Variants in PDE11A observed in about 807,000 individuals in gnomAD.
The protein encoded by PDE11A is phosphodiesterase 11A, also known as dual 3',5'-cyclic-AMP and -GMP phosphodiesterase 11A.
Under a neutral mutation model 100.5 loss-of-function variants are expected in PDE11A, and 100 were observed. The observed-to-expected ratio is 1.00, with a 90% CI of 0.85 to 1.18. PDE11A has a LOEUF of 1.18. Ranked by LOEUF, PDE11A falls within the 50% of genes most tolerant of loss-of-function variation. The probability of loss-of-function intolerance (pLI) is 0.00; values close to 1 mark genes in which losing one functional copy is unlikely to be tolerated. For synonymous variants in PDE11A, 381 were observed against 420.8 expected (o/e 0.91, Z 1.16); for missense variants, 1,141 against 1,152.6 (o/e 0.99, Z 0.15).
chr2:177,945,709 C>G (rs1327660692), intron 2 of PDE11A, among the ~76,000 whole-genome samples: 1 of 152,044 alleles, frequency 6.6e-6, no homozygotes, highest in African/African-American at 2.4e-5. Context: ...CCGGCAGCCA[C>G]CCCGTCCGGG....
chr2:178,002,617 G>A (rs1183338923), intron 2 of PDE11A, among the ~76,000 whole-genome samples: 1 of 152,088 alleles, frequency 6.6e-6, no homozygotes, highest in African/African-American at 2.4e-5. Flanking sequence ...TCGTGTGGTC[G>A]AATTGGCTTA....
At chr2:178,085,221 C>T (rs544279658) in intron 2 of PDE11A, among the ~76,000 whole-genome samples, 7 of 152,198 alleles carry the variant, frequency 4.6e-5, no homozygotes, top group African/African-American at 1.7e-4. Context: ...ATATATGGCC[C>T]TATATTCAAT....
Position 177,754,088 on chromosome 2 carries a change from C to T in PDE11A, c.1788+15235G>A, listed in dbSNP as rs1029094888. On this transcript the variant is annotated intron_variant, in intron 10 of 19. Transcript: ENST00000286063. ...ACTGCGAATATTTTGAAAACAAGTTCCTTAAAGGCAGCAGCTTCAAAGCCT... is the reference window on the plus strand; with the variant it reads ...ACTGCGAATATTTTGAAAACAAGTTTCTTAAAGGCAGCAGCTTCAAAGCCT... 2.6e-5 allele frequency among the ~76,000 whole-genome samples: 4 copies of T among 151,914 alleles called. No homozygotes were observed. In the East Asian group the frequency reaches 7.7e-4, roughly 29 times the overall value.
chr2:177,661,009 C>A (rs1281804043), intron 19 of PDE11A, among the ~76,000 whole-genome samples: 2 of 152,150 alleles, frequency 1.3e-5, no homozygotes, highest in African/African-American at 4.8e-5. Context: ...AACTCCCACC[C>A]TCTGTAGACT....
chr2:177,967,542 T>C (rs1222510274), intron 2 of PDE11A, among the ~76,000 whole-genome samples: 1 of 151,990 alleles, frequency 6.6e-6, no homozygotes, highest in Non-Finnish European at 1.5e-5. Context: ...GGTTTTTTGA[T>C]TGAATGAAGG....
chr2:177,764,365 G>A (rs548853132), intron 10 of PDE11A, among the ~76,000 whole-genome samples: 353 of 152,264 alleles, frequency 2.3e-3, no homozygotes, highest in Middle Eastern at 6.8e-3. Flanking sequence ...GATTGCAGCC[G>A]TAACCCATGC....
intron 19 of PDE11A, among the ~76,000 whole-genome samples, chr2:177,630,943 G>C (rs187645772): frequency 6.6e-6 from 1 of 151,952 alleles, no homozygotes; most frequent in African/African-American, 2.4e-5. Flanking sequence ...ATGAGGTTTT[G>C]GGGGGTTGTT....
In PDE11A at chr2:178,072,588, G is replaced by C; in HGVS notation, c.-151C>G. 1.3e-6 allele frequency: 2 copies of C among 1,520,284 alleles called. No individual in the cohort carries two copies. The highest frequency in any genetic ancestry group is 1.8e-6 in the Non-Finnish European group (2 of 1,139,520). 94.2% of individuals were successfully genotyped at this position (1,520,284 alleles called of 1,614,324 possible). ...AGATTATTCCCAGCAGTGGAATCTG[G>C]GAGATGCCCCTTCCTTCTCTGGCTC... On this transcript the variant is annotated 5_prime_UTR_variant, in exon 1 of 20. Transcript: ENST00000286063.
At chr2:177,731,089 T>A (rs2081681655) in intron 10 of PDE11A, among the ~76,000 whole-genome samples, 1 of 152,242 alleles carries the variant, frequency 6.6e-6, no homozygotes, top group Admixed American at 6.5e-5. Flanking sequence ...CCTCAAAGTT[T>A]ATCCATGTTA....
intron 16 of PDE11A, 83 bp from the exon 17 acceptor site, chr2:177,675,601 T>C: frequency 9.9e-7 from 1 of 1,015,074 alleles, no homozygotes. Flanking sequence ...CATAAATAAA[T>C]AAAATAAAAT....
At chr2:177,816,165 G>A (rs1156693883) in intron 9 of PDE11A, among the ~76,000 whole-genome samples, 1 of 151,888 alleles carries the variant, frequency 6.6e-6, no homozygotes, top group African/African-American at 2.4e-5. Flanking sequence ...GAGCCGAGAT[G>A]GCACCACTGT....
intron 11 of PDE11A, 28 bp from the exon 12 acceptor site, chr2:177,727,793 G>T (rs188304888): frequency 1.3e-5 from 18 of 1,380,094 alleles, no homozygotes; most frequent in Non-Finnish European, 1.7e-5. Flanking sequence ...GGGTGCGTCA[G>T]GCAGTTGTAA....
chr2:178,046,523 T>G (rs1176115050), intron 1 of PDE11A, among the ~76,000 whole-genome samples: 1 of 152,198 alleles, frequency 6.6e-6, no homozygotes, highest in East Asian at 1.9e-4. Flanking sequence ...TTCGTTTGTT[T>G]GTTTGTTTGT....
At chr2:177,664,891 G>T (rs1228083062) in intron 18 of PDE11A, among the ~76,000 whole-genome samples, 1 of 152,064 alleles carries the variant, frequency 6.6e-6, no homozygotes, top group Non-Finnish European at 1.5e-5. Context: ...AGGCCATGAG[G>T]GTGGAGCCAA....
At chr2:177,908,106 T>C (rs1287173116) in intron 2 of PDE11A, among the ~76,000 whole-genome samples, 3 of 152,164 alleles carry the variant, frequency 2.0e-5, no homozygotes, top group African/African-American at 7.2e-5. Context: ...AACCCTAAGA[T>C]CTACCTTCTT....
chr2:178,046,604 T>C (rs2086754355), intron 1 of PDE11A, among the ~76,000 whole-genome samples: 2 of 152,140 alleles, frequency 1.3e-5, no homozygotes, highest in African/African-American at 4.8e-5. Flanking sequence ...AGATGATAGA[T>C]AGAAGGTCAA....
chr2:178,016,670 G>A (rs10176643), intron 1 of PDE11A, among the ~76,000 whole-genome samples: 3 of 152,238 alleles, frequency 2.0e-5, no homozygotes, highest in South Asian at 4.1e-4. Flanking sequence ...TCTCAAAACA[G>A]AACAAATAAG....
At chr2:177,821,340 C>A (rs1022316217) in intron 6 of PDE11A, among the ~76,000 whole-genome samples, 1 of 151,550 alleles carries the variant, frequency 6.6e-6, no homozygotes, top group Admixed American at 6.6e-5. Context: ...AAGTATACAG[C>A]TTAATGGATT....
At chr2:177,883,428 C>A (rs1401755424) in intron 4 of PDE11A, among the ~76,000 whole-genome samples, 1 of 152,096 alleles carries the variant, frequency 6.6e-6, no homozygotes, top group Non-Finnish European at 1.5e-5. Context: ...CTATAAACAC[C>A]AAGGGGCACA....
Sources: gnomAD v4.1 joint callset for allele counts (sites outside exome capture counted in the v4.1 genomes callset) on GRCh38, gnomAD v4.1.1 for gene constraint, MANE v1.5 for transcripts, NCBI Gene and HGNC (gene_info 2026-07-23, HGNC 2026-07-21) for gene names.